POLR2K: variants seen among roughly 807,000 people sequenced by gnomAD.
The protein encoded by POLR2K is DNA-directed RNA polymerases I, II, and III subunit RPABC4.
A neutral mutation model predicts 10.1 loss-of-function variants in POLR2K; 9 were observed. That is an observed-to-expected ratio of 0.89 (90% CI 0.54 to 1.56). POLR2K has a LOEUF of 1.56. Among genes scored for constraint, POLR2K ranks in the 40% most tolerant of loss-of-function variants. POLR2K has a pLI of 0.00. For synonymous variants in POLR2K, 19 were observed against 20.3 expected (o/e 0.94, Z 0.17); for missense variants, 53 against 71.9 (o/e 0.74, Z 0.95).
rs1284284109 is a variant in POLR2K, at chr8:100,151,379, A to T, written c.24A>T (p.Gln8His). Reference protein sequence around the residue: MDTQKDVQPPKQQPMIYI... With the variant: MDTQKDVHPPKQQPMIYI... ...CAATGGACACCCAGAAGGACGTTCA[A>T]CCTCCAAAGCAGCAACCAATGATAT... The change falls in exon 2 of 4, where the codon CAA (glutamine) becomes CAT (histidine). Residue 8 changes from glutamine (Q) to histidine (H), a missense_variant. Physicochemically the swap from Gln to His is conservative, Grantham distance 24 (BLOSUM62 0). Coordinates refer to ENST00000353107, the MANE Select transcript of POLR2K (RefSeq NM_005034.4). 1.2e-6 allele frequency: 2 copies of T among 1,610,662 alleles called. No individual in the cohort carries two copies. The highest frequency in any genetic ancestry group is 1.7e-5 in the Admixed American group (1 of 60,022).
intron 1 of POLR2K, among the ~76,000 whole-genome samples, chr8:100,150,921 T>C (rs951404341): frequency 2.8e-4 from 42 of 152,332 alleles, no homozygotes; most frequent in Admixed American, 2.7e-3. Flanking sequence ...TGTTCCCCTG[T>C]TGAGGGATAT....
chr8:100,151,300 G>C, intron 1 of POLR2K, 47 bp from the exon 2 acceptor site: 2 of 1,245,056 alleles, frequency 1.6e-6, no homozygotes, highest in Non-Finnish European at 1.2e-6. Flanking sequence ...GGATGGACTT[G>C]TGAGAAGCCC....
Position 100,153,362 on chromosome 8 carries a change from T to C in POLR2K, c.*46T>C. On this transcript the variant is annotated 3_prime_UTR_variant, in exon 4 of 4. Transcript: ENST00000353107. ...TGTCTTCACTTATACTTGGATTTGC[T>C]CTCTTCCCATTTCTGATTGTTGTAT... The C allele has an allele frequency of 6.4e-7, 1 of 1,551,166 alleles. No individual in the cohort carries two copies. Among genetic ancestry groups the C allele is most frequent in the Non-Finnish European group, 8.9e-7 (1 of 1,124,624 alleles).
intron 3 of POLR2K, 141 bp from the exon 4 acceptor site, chr8:100,153,153 A>G (rs1333936841): frequency 1.6e-6 from 1 of 619,572 alleles, no homozygotes; most frequent in Admixed American, 3.1e-5. Flanking sequence ...ACCAGTTGTC[A>G]TAGTAAATAG....
In POLR2K at chr8:100,151,859, C is replaced by T. The variant is rs1422102525; in HGVS notation, c.97C>T (p.Pro33Ser). The change falls in exon 3 of 4, where the codon CCA becomes TCA. Residue 33 changes from proline to serine, a missense_variant. By Grantham distance (74) the Pro-to-Ser change is moderately conservative. Transcript: ENST00000353107. ...HTENEIKSRD[P>S]IRCRECGYRI... ...AGAAAATGAAATAAAATCTAGGGAT[C>T]CAATCAGATGCAGAGAATGTGGATA... The T allele has an allele frequency of 1.9e-6, 3 of 1,569,924 alleles. No individual in the cohort carries two copies. Among genetic ancestry groups the T allele is most frequent in the Non-Finnish European group, 2.6e-6 (3 of 1,145,706 alleles).
intron 2 of POLR2K, 107 bp from the exon 3 acceptor site, chr8:100,151,717 G>A (rs1053803320): frequency 3.2e-6 from 2 of 621,646 alleles, no homozygotes. Context: ...TTGAGATTGA[G>A]TATATTTTAG....
chr8:100,152,006 A>G, intron 3 of POLR2K, 90 bp downstream of exon 3: 1 of 733,070 alleles, frequency 1.4e-6, no homozygotes. Context: ...TTAAAATGAT[A>G]ACTTTCTGGA....
At position 100,153,965 on chromosome 8, in the gene POLR2K, C is replaced by G. The variant is rs1416896118; in HGVS notation, c.*649C>G. ...TGTTAAAAATGCAGGTTTCTAGAACCCTCTGAAGTTCTGATTAAATAAATT... is the reference window on the plus strand; with the variant it reads ...TGTTAAAAATGCAGGTTTCTAGAACGCTCTGAAGTTCTGATTAAATAAATT... On this transcript the variant is annotated 3_prime_UTR_variant, in exon 4 of 4. Coordinates refer to ENST00000353107, the MANE Select transcript of POLR2K (RefSeq NM_005034.4). The G allele has an allele frequency of 6.6e-6, 1 of 152,120 alleles. No individual in the cohort carries two copies. Among genetic ancestry groups the G allele is most frequent in the East Asian group, 1.9e-4 (1 of 5,192 alleles). 9.4% of individuals were successfully genotyped at this position (152,120 alleles called of 1,614,324 possible).
In POLR2K at chr8:100,153,730, A is replaced by G. The variant is rs1814949939; in HGVS notation, c.*414A>G. ...GGAAACTTTGGATGAGGGGGGCACT[A>G]CTGTACTTAGGAATACAACTATATA... On this transcript the variant is annotated 3_prime_UTR_variant, in exon 4 of 4. Transcript: ENST00000353107. The G allele has an allele frequency of 6.3e-6, 1 of 158,834 alleles. No homozygotes were observed. The highest frequency in any genetic ancestry group is 1.4e-5 in the Non-Finnish European group (1 of 72,722). 9.8% of individuals were successfully genotyped at this position (158,834 alleles called of 1,614,324 possible).
In POLR2K at chr8:100,151,422, AG is replaced by A; in HGVS notation, c.61+7del. On this transcript the variant is annotated splice_region_variant and intron_variant, in intron 2 of 3. Coordinates refer to ENST00000353107, the MANE Select transcript of POLR2K (RefSeq NM_005034.4). ...AATGATATATATCTGTGGAGGTAAG[AG>A]TAGCACTTACCTAAAGTAAGAATAT... 4 of 1,530,724 alleles carry A rather than the reference AG, an allele frequency of 2.6e-6. No homozygotes were observed. In the South Asian group the frequency reaches 4.5e-5, roughly 17 times the overall value. The allele number at this position is 1,530,724 out of a possible 1,614,324, so 94.8% of individuals were successfully genotyped here.
chr8:100,151,495 T>C, intron 2 of POLR2K, 79 bp downstream of exon 2: 1 of 945,386 alleles, frequency 1.1e-6, no homozygotes, highest in Non-Finnish European at 1.7e-6. Context: ...TTTGCTTAAA[T>C]GAGTTACTGG....
chr8:100,151,860 C>A lies in POLR2K; in HGVS notation c.98C>A (p.Pro33Gln). 2 of 1,568,780 alleles carry A rather than the reference C, an allele frequency of 1.3e-6. No homozygotes were observed. The highest frequency in any genetic ancestry group is 1.7e-6 in the Non-Finnish European group (2 of 1,144,560). The stretch of plus-strand genomic sequence containing the variant: ...GAAAATGAAATAAAATCTAGGGATC[C>A]AATCAGATGCAGAGAATGTGGATAC... The part of the protein sequence containing the change: ...HTENEIKSRD[P>Q]IRCRECGYRI... Residue 33 changes from proline to glutamine, a missense_variant, in exon 3 of 4, where the codon CCA (proline) becomes CAA (glutamine). Pro to Gln is a moderately conservative substitution (Grantham distance 76). Coordinates refer to ENST00000353107, the MANE Select transcript of POLR2K (RefSeq NM_005034.4).
chr8:100,150,837 T>C (rs2132155700), intron 1 of POLR2K, 128 bp downstream of exon 1: 1 of 158,098 alleles, frequency 6.3e-6, no homozygotes, highest in Non-Finnish European at 1.4e-5. Context: ...ATGCTATCGC[T>C]CTTTTCCCTA....
At chr8:100,152,792 G>C (rs966264271) in intron 3 of POLR2K, among the ~76,000 whole-genome samples, 2 of 151,824 alleles carry the variant, frequency 1.3e-5, no homozygotes, top group Non-Finnish European at 2.9e-5. Context: ...TTGAGACGGA[G>C]TCTCGCTCTG....
Position 100,153,477 on chromosome 8 carries a change from C to T in POLR2K, c.*161C>T. 1 of 604,004 alleles carries T rather than the reference C, an allele frequency of 1.7e-6. No individual in the cohort carries two copies. The highest frequency in any genetic ancestry group is 2.2e-5 in the South Asian group (1 of 46,242). The allele number at this position is 604,004 out of a possible 1,614,324, so 37.4% of individuals were successfully genotyped here. A position where few individuals can be genotyped will look rare whatever the true frequency, so the allele number is the denominator to read the frequency against. Reference sequence around the variant, plus strand: ...TGAACTCCTGAAACCTCAAACAGTACCAAACCTTTATACACTGTTTTTTCC... The same window carrying T: ...TGAACTCCTGAAACCTCAAACAGTATCAAACCTTTATACACTGTTTTTTCC... On this transcript the variant is annotated 3_prime_UTR_variant, in exon 4 of 4. Transcript: ENST00000353107.
rs970658013 is a variant in POLR2K at position 100,153,483 on chromosome 8, C to T, written c.*167C>T. 1 of 549,922 alleles carries T rather than the reference C, an allele frequency of 1.8e-6. No homozygotes were observed. Among genetic ancestry groups the T allele is most frequent in the South Asian group, 2.7e-5 (1 of 37,540 alleles). 34.1% of individuals were successfully genotyped at this position (549,922 alleles called of 1,614,324 possible). ...CCTGAAACCTCAAACAGTACCAAACCTTTATACACTGTTTTTTCCATATAT... is the reference window on the plus strand; with the variant it reads ...CCTGAAACCTCAAACAGTACCAAACTTTTATACACTGTTTTTTCCATATAT... On this transcript the variant is annotated 3_prime_UTR_variant, in exon 4 of 4. Coordinates refer to ENST00000353107, the MANE Select transcript of POLR2K (RefSeq NM_005034.4).
Position 100,153,387 on chromosome 8 carries a change from T to C in POLR2K, c.*71T>C. 1 of 1,396,308 alleles carries C rather than the reference T, an allele frequency of 7.2e-7. No homozygotes were observed. Among genetic ancestry groups the C allele is most frequent in the South Asian group, 1.2e-5 (1 of 84,346 alleles). The allele number at this position is 1,396,308 out of a possible 1,614,324, so 86.5% of individuals were successfully genotyped here. On this transcript the variant is annotated 3_prime_UTR_variant, in exon 4 of 4. Coordinates refer to ENST00000353107, the MANE Select transcript of POLR2K (RefSeq NM_005034.4). ...TCTCTTCCCATTTCTGATTGTTGTA[T>C]AGCTTTCGATTTTGCTTACAGTAGT... is the stretch of plus-strand genomic sequence containing the variant.
intron 1 of POLR2K, 137 bp from the exon 2 acceptor site, chr8:100,151,210 G>T: frequency 1.5e-6 from 1 of 688,928 alleles, no homozygotes; most frequent in Non-Finnish European, 2.7e-6. Flanking sequence ...TTTCGTCCTT[G>T]AGACCTAACC....
intron 2 of POLR2K, 71 bp downstream of exon 2, chr8:100,151,487 T>A (rs951081007): frequency 3.0e-6 from 3 of 999,486 alleles, no homozygotes. Context: ...ATTTATTCTT[T>A]GCTTAAATGA....
Sources: allele counts gnomAD v4.1 joint callset (sites outside exome capture counted in the v4.1 genomes callset), GRCh38; gene constraint gnomAD v4.1.1; transcripts MANE v1.5; gene names NCBI Gene and HGNC (gene_info 2026-07-23, HGNC 2026-07-21).